Variants in DNER observed in about 807,000 individuals in gnomAD.
DNER encodes the protein delta/notch like EGF repeat containing, also known as delta and Notch-like epidermal growth factor-related receptor.
Under a neutral mutation model 78.2 loss-of-function variants are expected in DNER, and 33 were observed. The ratio of observed to expected loss-of-function variants is 0.42; its 90% CI spans 0.32 to 0.56. The LOEUF (loss-of-function observed/expected upper bound fraction) is 0.56. Ranked by LOEUF, DNER falls within the 20% of genes least tolerant of loss-of-function variation. The pLI is 0.11. For missense variants in DNER, 918 were observed against 975.3 expected (o/e 0.94, Z 0.78); for synonymous variants, 417 against 384.8 (o/e 1.08, Z -0.98).
intron 1 of DNER, among the ~76,000 whole-genome samples, chr2:229,689,437 AT>A (rs1699533574): frequency 6.6e-6 from 1 of 152,344 alleles, no homozygotes; most frequent in South Asian, 2.1e-4. Context: ...CACACAATTT[AT>A]TTTAGCCAAG....
chr2:229,478,703 A>G lies in DNER; in HGVS notation c.1148-1450T>C, dbSNP rs559684703. Among the ~76,000 whole-genome samples the G allele has an allele frequency of 7.5e-4, 115 of 152,322 alleles. 2 individuals carry two copies. Among genetic ancestry groups the G allele is most frequent in the African/African-American group, 2.4e-3 (99 of 41,568 alleles). On this transcript the variant is annotated intron_variant, in intron 6 of 12. Coordinates refer to ENST00000341772, the MANE Select transcript of DNER (RefSeq NM_139072.4). ...AAAAATCACTTATTTTTATTCATAC[A>G]TTAATTAATATTAATAATTTATCCA... is the stretch of plus-strand genomic sequence containing the variant.
intron 1 of DNER, among the ~76,000 whole-genome samples, chr2:229,620,510 G>A (rs1698235950): frequency 6.6e-6 from 1 of 152,252 alleles, no homozygotes; most frequent in African/African-American, 2.4e-5. Flanking sequence ...CTCACTGCGT[G>A]TGATGAGATG....
At chr2:229,550,218 C>T (rs1696705600) in intron 4 of DNER, among the ~76,000 whole-genome samples, 1 of 151,852 alleles carries the variant, frequency 6.6e-6, no homozygotes, top group African/African-American at 2.4e-5. Context: ...TTCTCGAACT[C>T]CTGGCCTCAA....
At chr2:229,383,276 A>G (rs560087837) in intron 11 of DNER, among the ~76,000 whole-genome samples, 1 of 152,362 alleles carries the variant, frequency 6.6e-6, no homozygotes, top group East Asian at 1.9e-4. Context: ...TAAATATGGA[A>G]AGGAAAAACC....
chr2:229,364,109 C>A (rs1033238991), intron 12 of DNER, among the ~76,000 whole-genome samples: 1 of 150,676 alleles, frequency 6.6e-6, no homozygotes, highest in African/African-American at 2.5e-5. Context: ...ATTATCCGCC[C>A]TCCTCAGCCT....
At chr2:229,366,821 C>T (rs1692357536) in intron 12 of DNER, 52 bp downstream of exon 12, 1 of 1,607,826 alleles carries the variant, frequency 6.2e-7, no homozygotes, top group Admixed American at 1.7e-5. Flanking sequence ...GACCCTGTTC[C>T]CAAGAATGCA....
intron 1 of DNER, among the ~76,000 whole-genome samples, chr2:229,593,555 A>T (rs1051931390): frequency 1.3e-5 from 2 of 152,222 alleles, no homozygotes; most frequent in African/African-American, 4.8e-5. Context: ...CTCTATTCCC[A>T]GCCTGTCCAG....
At chr2:229,493,755 T>C (rs1483745399) in intron 6 of DNER, among the ~76,000 whole-genome samples, 1 of 152,190 alleles carries the variant, frequency 6.6e-6, no homozygotes. Context: ...ACTGATCAGG[T>C]ACTTGCATTC....
chr2:229,360,067 G>T (rs990057599), intron 12 of DNER, among the ~76,000 whole-genome samples: 1 of 152,218 alleles, frequency 6.6e-6, no homozygotes, highest in Non-Finnish European at 1.5e-5. Context: ...CACCTAAATT[G>T]AGTGAGGCCT....
intron 4 of DNER, among the ~76,000 whole-genome samples, chr2:229,550,982 T>A (rs865779198): frequency 3.9e-5 from 6 of 152,234 alleles, no homozygotes; most frequent in Middle Eastern, 3.4e-3. Flanking sequence ...AATGTTGAAG[T>A]CCTTGCACAC....
intron 5 of DNER, among the ~76,000 whole-genome samples, chr2:229,523,366 A>T (rs767246004): frequency 2.0e-5 from 3 of 152,156 alleles, no homozygotes; most frequent in Non-Finnish European, 2.9e-5. Context: ...ATCGCTCTGG[A>T]GGTTACACAG....
At chr2:229,684,511 GC>G (rs1699451908) in intron 1 of DNER, among the ~76,000 whole-genome samples, 2 of 151,970 alleles carry the variant, frequency 1.3e-5, no homozygotes, top group South Asian at 2.1e-4. Context: ...AGATGTCTCT[GC>G]TGAGCTCCAG....
intron 7 of DNER, among the ~76,000 whole-genome samples, chr2:229,466,230 C>T (rs1694802362): frequency 6.6e-6 from 1 of 152,104 alleles, no homozygotes; most frequent in African/African-American, 2.4e-5. Flanking sequence ...CCTGAGCCGA[C>T]TCCTACTTCT....
intron 1 of DNER, among the ~76,000 whole-genome samples, chr2:229,629,123 CA>C (rs1338190528): frequency 6.6e-6 from 1 of 152,132 alleles, no homozygotes; most frequent in African/African-American, 2.4e-5. Flanking sequence ...CCAAATTTGC[CA>C]ATTTAGTAAC....
At chr2:229,613,900 A>G (rs1698098355) in intron 1 of DNER, among the ~76,000 whole-genome samples, 1 of 151,630 alleles carries the variant, frequency 6.6e-6, no homozygotes, top group Non-Finnish European at 1.5e-5. Context: ...TTTTTAAACC[A>G]TCATTCTCAG....
chr2:229,609,628 C>T (rs1698007436), intron 1 of DNER, among the ~76,000 whole-genome samples: 1 of 152,010 alleles, frequency 6.6e-6, no homozygotes, highest in South Asian at 2.1e-4. Flanking sequence ...GTTTGCTAAC[C>T]CCTGCACTAG....
rs538347835 is a variant in DNER at position 229,389,189 on chromosome 2, G to A, written c.1724-793C>T. On this transcript the variant is annotated intron_variant, in intron 10 of 12. Transcript: ENST00000341772. ...AGGAAGAATGTGATCTTCAGCTCCT[G>A]ACCCTGGCTAGACCCAACTTTTCAG... Among the ~76,000 whole-genome samples the A allele has an allele frequency of 4.2e-4, 64 of 152,098 alleles. 1 individual carries two copies. In the South Asian group the frequency reaches 0.013, roughly 31 times the overall value.
intron 1 of DNER, among the ~76,000 whole-genome samples, chr2:229,639,888 A>G (rs1559191850): frequency 6.6e-6 from 1 of 152,120 alleles, no homozygotes; most frequent in Admixed American, 6.5e-5. Flanking sequence ...GCACATTTTC[A>G]CTGATAAAAT....
In DNER at chr2:229,512,784, A is replaced by T; in HGVS notation, c.1146T>A (p.Pro382=). 6.2e-7 allele frequency: 1 copy of T among 1,614,184 alleles called. No individual in the cohort carries two copies. Among genetic ancestry groups the T allele is most frequent in the Non-Finnish European group, 8.5e-7 (1 of 1,179,994 alleles). The change falls in exon 6 of 13, where the codon CCT becomes CCA. Residue 382 remains proline (P), a splice_region_variant and synonymous_variant. Coordinates refer to ENST00000341772, the MANE Select transcript of DNER (RefSeq NM_139072.4). ...CTGAACCATGAGTATGTGTCGTACC[A>T]GGAAGGCAAACACAGGTGAAATTGC... is the stretch of plus-strand genomic sequence containing the variant. ...DGSNFTCVCL[P]GYTGELCQSK...
Sources: gnomAD v4.1 joint callset for allele counts (sites outside exome capture counted in the v4.1 genomes callset) on GRCh38, gnomAD v4.1.1 for gene constraint, MANE v1.5 for transcripts, NCBI Gene and HGNC (gene_info 2026-07-23, HGNC 2026-07-21) for gene names.